The following DTNB variants were observed in gnomAD, a reference collection of about 807,000 sequenced individuals.
DTNB encodes DTN-B.
Under a neutral mutation model 90.7 loss-of-function variants are expected in DTNB, and 63 were observed. That is an observed-to-expected ratio of 0.69 (90% CI 0.57 to 0.86). The LOEUF is 0.86. Ranked by LOEUF, DTNB falls within the 40% of genes least tolerant of loss-of-function variation. The probability of loss-of-function intolerance (pLI) is 0.00; values close to 1 mark genes in which losing one functional copy is unlikely to be tolerated. For synonymous variants in DTNB, 277 were observed against 286.7 expected (o/e 0.97, Z 0.34); for missense variants, 744 against 807.1 (o/e 0.92, Z 0.95).
intron 8 of DTNB, among the ~76,000 whole-genome samples, chr2:25,550,261 G>A (rs577594325): frequency 2.5e-4 from 38 of 152,084 alleles, no homozygotes; most frequent in Non-Finnish European, 5.4e-4. Flanking sequence ...CGTGGTGGCA[G>A]GTGCCTGTAG....
intron 12 of DTNB, among the ~76,000 whole-genome samples, chr2:25,438,647 G>A (rs6710429): frequency 0.016 from 2,369 of 152,306 alleles, 69 homozygotes; most frequent in African/African-American, 0.053. Context: ...TCCAAATAAG[G>A]TATGGACATA....
At chr2:25,609,188 G>A (rs1489985173) in intron 4 of DTNB, among the ~76,000 whole-genome samples, 1 of 152,138 alleles carries the variant, frequency 6.6e-6, no homozygotes, top group Non-Finnish European at 1.5e-5. Context: ...AGCCAGAGAT[G>A]GTATCTATTA....
chr2:25,613,556 C>G (rs2069251942), intron 4 of DTNB, among the ~76,000 whole-genome samples: 1 of 151,840 alleles, frequency 6.6e-6, no homozygotes, highest in African/African-American at 2.4e-5. Flanking sequence ...CAGCATTATT[C>G]TGACACTAAA....
intron 12 of DTNB, among the ~76,000 whole-genome samples, chr2:25,450,323 T>C (rs1338792795): frequency 6.6e-6 from 1 of 152,230 alleles, no homozygotes; most frequent in Non-Finnish European, 1.5e-5. Flanking sequence ...TCTGACTGAT[T>C]TGCTTCTTAC....
At chr2:25,397,042 C>T (rs1297991120) in intron 16 of DTNB, among the ~76,000 whole-genome samples, 1 of 151,834 alleles carries the variant, frequency 6.6e-6, no homozygotes, top group African/African-American at 2.4e-5. Context: ...CCCCCACACC[C>T]CCACCTCCCC....
intron 12 of DTNB, among the ~76,000 whole-genome samples, chr2:25,444,775 T>C (rs1399263700): frequency 6.6e-6 from 1 of 152,170 alleles, no homozygotes; most frequent in African/African-American, 2.4e-5. Context: ...AATACAAACC[T>C]ATCTGGCAGG....
chr2:25,406,506 G>A (rs1019164084), intron 16 of DTNB, among the ~76,000 whole-genome samples: 34 of 149,430 alleles, frequency 2.3e-4, no homozygotes, highest in African/African-American at 8.0e-4. Context: ...TTGCACTCCA[G>A]CCTGGGAAAC....
chr2:25,530,417 A>G (rs1389144902), intron 9 of DTNB, among the ~76,000 whole-genome samples: 1 of 152,214 alleles, frequency 6.6e-6, no homozygotes, highest in African/African-American at 2.4e-5. Flanking sequence ...AGACTAGGTG[A>G]CAAAGCGAGA....
At chr2:25,573,722 A>G (rs1438029419) in intron 8 of DTNB, among the ~76,000 whole-genome samples, 1 of 152,184 alleles carries the variant, frequency 6.6e-6, no homozygotes, top group East Asian at 1.9e-4. Context: ...ACCACTATAT[A>G]ACATGGGTTT....
intron 5 of DTNB, among the ~76,000 whole-genome samples, chr2:25,604,470 G>C (rs1366818702): frequency 1.3e-5 from 2 of 151,668 alleles, no homozygotes; most frequent in Non-Finnish European, 2.9e-5. Context: ...GCAGTGACAT[G>C]ACCATAGCTC....
intron 6 of DTNB, among the ~76,000 whole-genome samples, chr2:25,593,688 T>A (rs963079770): frequency 6.6e-6 from 1 of 152,214 alleles, no homozygotes; most frequent in Non-Finnish European, 1.5e-5. Flanking sequence ...ATTTGCAGAA[T>A]CCTAGATAGC....
In DTNB at chr2:25,607,265, C is replaced by A. The variant is rs2067313169; in HGVS notation, c.419G>T (p.Cys140Phe). ...CAATTTGTCCAGCATTTTTCCACCA[C>A]ACATGGTTGCTAACATAGCTTTAAC... ...FSVKAMLATMCGGKMLDKLRY... is the reference protein window; with the variant it reads ...FSVKAMLATMFGGKMLDKLRY... Residue 140 changes from cysteine (C) to phenylalanine (F), a missense_variant, in exon 5 of 21, where the codon TGT (cysteine) becomes TTT (phenylalanine). Physicochemically the swap from Cys to Phe is radical, Grantham distance 205 (BLOSUM62 -2). Coordinates refer to ENST00000406818, the MANE Select transcript of DTNB (RefSeq NM_021907.5). The A allele has an allele frequency of 3.1e-6, 5 of 1,607,204 alleles. No homozygotes were observed. Among genetic ancestry groups the A allele is most frequent in the Non-Finnish European group, 4.2e-6 (5 of 1,176,702 alleles).
Position 25,536,193 on chromosome 2 carries a change from G to C in DTNB, c.877-4596C>G, listed in dbSNP as rs1025814995. ...TCACTTCCTAGATGGGGTGGCGGCC[G>C]GGCAGAGGCACTCCTCACCTCCCAG... On this transcript the variant is annotated intron_variant, in intron 8 of 20. Coordinates refer to ENST00000406818, the MANE Select transcript of DTNB (RefSeq NM_021907.5). Among the ~76,000 whole-genome samples the C allele has an allele frequency of 4.7e-5, 7 of 148,698 alleles. No homozygotes were observed. In the South Asian group the frequency reaches 8.7e-4, roughly 18 times the overall value.
Position 25,518,601 on chromosome 2 carries a change from ACACACACACATG to A in DTNB, c.1001+12860_1001+12871del, listed in dbSNP as rs1438225301. On this transcript the variant is annotated intron_variant, in intron 9 of 20. Transcript: ENST00000406818. ...AACACACACACACTCACACTCACGT[ACACACACACATG>A]CACACACACATACATACTGAGGTTC... is the stretch of plus-strand genomic sequence containing the variant. 2.0e-5 allele frequency among the ~76,000 whole-genome samples: 3 copies of A among 152,090 alleles called. No homozygotes were observed. The East Asian group carries it at 5.8e-4, about 29-fold the overall frequency.
chr2:25,506,625 C>T (rs2072502624), intron 9 of DTNB, among the ~76,000 whole-genome samples: 1 of 152,066 alleles, frequency 6.6e-6, no homozygotes, highest in African/African-American at 2.4e-5. Context: ...GAGGAAATAC[C>T]CTGACTTGAT....
chr2:25,513,512 G>A (rs780271121), intron 9 of DTNB, among the ~76,000 whole-genome samples: 6 of 151,954 alleles, frequency 3.9e-5, no homozygotes, highest in African/African-American at 7.2e-5. Flanking sequence ...ACTTGGGGTC[G>A]GCAGTTTGAA....
At chr2:25,598,823 G>C (rs1051268007) in intron 5 of DTNB, 2 of 151,472 alleles carry the variant, frequency 1.3e-5, no homozygotes, top group African/African-American at 4.8e-5. Context: ...CAGGAAACAG[G>C]GTATTGAAGA....
chr2:25,467,989 C>T (rs559741430), intron 10 of DTNB, among the ~76,000 whole-genome samples: 3 of 152,130 alleles, frequency 2.0e-5, no homozygotes, highest in South Asian at 2.1e-4. Context: ...GTTTGCCAAC[C>T]GCTGCCCTTG....
chr2:25,626,644 T>C (rs1390728730), intron 4 of DTNB, among the ~76,000 whole-genome samples: 1 of 152,166 alleles, frequency 6.6e-6, no homozygotes, highest in Non-Finnish European at 1.5e-5. Context: ...ACGGATACAA[T>C]GTCTAATCTG....
Sources: allele counts gnomAD v4.1 joint callset (sites outside exome capture counted in the v4.1 genomes callset), GRCh38; gene constraint gnomAD v4.1.1; transcripts MANE v1.5; gene names NCBI Gene and HGNC (gene_info 2026-07-23, HGNC 2026-07-21).